The following NFE2L2 variants were observed in gnomAD, a reference collection of about 807,000 sequenced individuals.
The protein encoded by NFE2L2 is NFE2 like bZIP transcription factor 2, also known as nuclear factor erythroid 2-related factor 2.
In NFE2L2, 20 loss-of-function variants were observed where a neutral mutation model predicts 49.6. The ratio of observed to expected loss-of-function variants is 0.40; its 90% confidence interval spans 0.28 to 0.59. The LOEUF (loss-of-function observed/expected upper bound fraction) is 0.59, where lower values mean the gene tolerates loss of function less well. NFE2L2 is among the 20% of genes least tolerant of loss of function. NFE2L2 has a pLI of 0.40. For missense variants in NFE2L2, 578 were observed against 714.2 expected (o/e 0.81, Z 2.17); for synonymous variants, 244 against 256.5 (o/e 0.95, Z 0.47).
chr2:177,259,860 A>C (rs965543855), intron 1 of NFE2L2, among the ~76,000 whole-genome samples: 2 of 152,002 alleles, frequency 1.3e-5, no homozygotes, highest in Non-Finnish European at 2.9e-5. Flanking sequence ...TGAACCCGGG[A>C]GGTGGAGCTT....
chr2:177,240,445 T>C (rs1464144773), intron 1 of NFE2L2, among the ~76,000 whole-genome samples: 1 of 152,152 alleles, frequency 6.6e-6, no homozygotes, highest in African/African-American at 2.4e-5. Context: ...ATGGAGCAAA[T>C]GCCGTCTGCC....
chr2:177,255,005 A>G lies in NFE2L2; in HGVS notation c.45+9527T>C, dbSNP rs58549185. 6.0e-3 allele frequency among the ~76,000 whole-genome samples: 916 copies of G among 152,330 alleles called. 10 individuals are homozygous for G. Among genetic ancestry groups the G allele is most frequent in the African/African-American group, 0.021 (874 of 41,564 alleles). On this transcript the variant is annotated intron_variant, in intron 1 of 4. Transcript: ENST00000397062. ...TAACATGAATGAAGATGAAAGACTAATTGTTTCCTCAGTCTCCATTACTGC... is the reference window on the plus strand; with the variant it reads ...TAACATGAATGAAGATGAAAGACTAGTTGTTTCCTCAGTCTCCATTACTGC...
chr2:177,234,492 C>G (rs757412411), intron 1 of NFE2L2, among the ~76,000 whole-genome samples: 23 of 152,204 alleles, frequency 1.5e-4, no homozygotes, highest in Non-Finnish European at 2.6e-4. Flanking sequence ...AACACATAGC[C>G]ATCCATTCTA....
intron 1 of NFE2L2, among the ~76,000 whole-genome samples, chr2:177,240,735 TAAAC>T (rs1689914446): frequency 6.6e-6 from 1 of 152,158 alleles, no homozygotes; most frequent in African/African-American, 2.4e-5. Flanking sequence ...TGTACCAGGA[TAAAC>T]AAAGAAGAAA....
intron 1 of NFE2L2, 183 bp downstream of exon 1, chr2:177,264,349 G>A (rs756530122): frequency 4.4e-5 from 24 of 548,366 alleles, no homozygotes; most frequent in African/African-American, 3.8e-4. Flanking sequence ...ACCCGGCCGC[G>A]TCCCCGCTGC....
intron 1 of NFE2L2, among the ~76,000 whole-genome samples, chr2:177,259,739 T>C (rs1690661490): frequency 6.6e-6 from 1 of 152,124 alleles, no homozygotes; most frequent in African/African-American, 2.4e-5. Flanking sequence ...GAGATCATCC[T>C]GGCTAACACA....
chr2:177,238,449 G>A (rs1209613521), intron 1 of NFE2L2, among the ~76,000 whole-genome samples: 2 of 152,110 alleles, frequency 1.3e-5, no homozygotes, highest in Non-Finnish European at 2.9e-5. Context: ...ATATTTGAGG[G>A]GTTTGGATGG....
chr2:177,261,849 A>G (rs762762804), intron 1 of NFE2L2, among the ~76,000 whole-genome samples: 28 of 152,106 alleles, frequency 1.8e-4, no homozygotes, highest in Non-Finnish European at 2.9e-4. Context: ...CCCCCTTTAA[A>G]TGTCTTCAGT....
chr2:177,255,232 C>G (rs538630481), intron 1 of NFE2L2, among the ~76,000 whole-genome samples: 1 of 152,180 alleles, frequency 6.6e-6, no homozygotes, highest in Non-Finnish European at 1.5e-5. Flanking sequence ...TCAGGATCAA[C>G]GAGAAGAGAT....
At chr2:177,245,857 G>A (rs1317127632) in intron 1 of NFE2L2, among the ~76,000 whole-genome samples, 1 of 152,172 alleles carries the variant, frequency 6.6e-6, no homozygotes, top group East Asian at 1.9e-4. Flanking sequence ...TGATCTGCCT[G>A]CCTCAGCCTC....
At chr2:177,248,468 G>C (rs1319156126) in intron 1 of NFE2L2, among the ~76,000 whole-genome samples, 1 of 151,972 alleles carries the variant, frequency 6.6e-6, no homozygotes, top group Non-Finnish European at 1.5e-5. Context: ...GGAGTGCAAT[G>C]GCGTGATCTC....
chr2:177,259,137 A>C (rs1269025234), intron 1 of NFE2L2, among the ~76,000 whole-genome samples: 1 of 152,168 alleles, frequency 6.6e-6, no homozygotes, highest in African/African-American at 2.4e-5. Context: ...CTCCATCTCT[A>C]CTAAAAATAC....
At chr2:177,256,935 C>A (rs1262253656) in intron 1 of NFE2L2, among the ~76,000 whole-genome samples, 1 of 152,250 alleles carries the variant, frequency 6.6e-6, no homozygotes, top group Non-Finnish European at 1.5e-5. Context: ...CCAACCACCA[C>A]CACACCATCA....
intron 1 of NFE2L2, among the ~76,000 whole-genome samples, chr2:177,257,731 C>T (rs562367856): frequency 7.2e-5 from 11 of 152,284 alleles, no homozygotes; most frequent in Admixed American, 1.3e-4. Flanking sequence ...CGAGCATTCC[C>T]GCCTGAGCTC....
intron 1 of NFE2L2, among the ~76,000 whole-genome samples, chr2:177,244,454 G>A (rs1690054587): frequency 6.6e-6 from 1 of 152,126 alleles, no homozygotes; most frequent in Non-Finnish European, 1.5e-5. Context: ...ACAAAGATGA[G>A]TAAGACACAG....
At chr2:177,264,394 C>T (rs1233366312) in intron 1 of NFE2L2, 138 bp downstream of exon 1, 3 of 859,662 alleles carry the variant, frequency 3.5e-6, no homozygotes, top group Non-Finnish European at 4.9e-6. Context: ...AGCGCGGCGG[C>T]TCTACCCAGC....
In NFE2L2 at chr2:177,230,435, GGTTA is replaced by G. The variant is rs1689497878; in HGVS notation, c.*346_*349del. The G allele has an allele frequency of 4.1e-6, 1 of 244,642 alleles. No individual in the cohort carries two copies. Among genetic ancestry groups the G allele is most frequent in the Non-Finnish European group, 7.9e-6 (1 of 126,652 alleles). 15.2% of individuals were successfully genotyped at this position (244,642 alleles called of 1,614,324 possible). On this transcript the variant is annotated 3_prime_UTR_variant, in exon 5 of 5. Coordinates refer to ENST00000397062, the MANE Select transcript of NFE2L2 (RefSeq NM_006164.5). Reference sequence around the variant, plus strand: ...CAGTATTTATAAAAAAGTACATAGTGGTTAGTTTTGCAATAATTTCTTTTTAGCC... The same window carrying G: ...CAGTATTTATAAAAAAGTACATAGTGGTTTTGCAATAATTTCTTTTTAGCC...
chr2:177,245,622 T>G (rs1472461035), intron 1 of NFE2L2, among the ~76,000 whole-genome samples: 2 of 152,026 alleles, frequency 1.3e-5, no homozygotes, highest in Middle Eastern at 3.2e-3. Flanking sequence ...AGTCTTTTTT[T>G]TTTTTGAGAC....
chr2:177,237,163 C>T (rs956303740), intron 1 of NFE2L2, among the ~76,000 whole-genome samples: 6 of 152,144 alleles, frequency 3.9e-5, no homozygotes, highest in Admixed American at 1.3e-4. Flanking sequence ...CTGTGCTTGG[C>T]CTTTTTCCAA....
Sources: gnomAD v4.1 joint callset for allele counts (sites outside exome capture counted in the v4.1 genomes callset) on GRCh38, gnomAD v4.1.1 for gene constraint, MANE v1.5 for transcripts, NCBI Gene and HGNC (gene_info 2026-07-23, HGNC 2026-07-21) for gene names.